NCKAP5: variants seen among roughly 807,000 people sequenced by gnomAD.
NCKAP5 encodes NCK associated protein 5, also known as nck-associated protein 5.
NCKAP5 carries 92 observed loss-of-function variants against 167.0 expected under a neutral mutation model. That is an observed-to-expected ratio of 0.55 (90% CI 0.47 to 0.66). The LOEUF (loss-of-function observed/expected upper bound fraction) is 0.66. NCKAP5 is among the 30% of genes least tolerant of loss of function. NCKAP5 has a pLI of 0.00. For synonymous variants in NCKAP5, 891 were observed against 877.4 expected, an observed-to-expected ratio of 1.02 and a Z score of -0.27; for missense variants, 2,378 against 2,315.0, an observed-to-expected ratio of 1.03 and a Z score of -0.56.
At chr2:133,305,918 T>C (rs1328123162) in intron 3 of NCKAP5, among the ~76,000 whole-genome samples, 2 of 152,222 alleles carry the variant, frequency 1.3e-5, no homozygotes, top group Non-Finnish European at 2.9e-5. Context: ...CAAAAATGGA[T>C]TGCGAAAAGA....
intron 8 of NCKAP5, chr2:132,930,253 C>T (rs569425164): frequency 4.6e-5 from 7 of 152,212 alleles, no homozygotes; most frequent in African/African-American, 1.2e-4. Context: ...GACTAAAGGG[C>T]CCCCAAGAGG....
At chr2:133,328,734 G>GA (rs1184443860) in intron 3 of NCKAP5, among the ~76,000 whole-genome samples, 1 of 152,084 alleles carries the variant, frequency 6.6e-6, no homozygotes, top group East Asian at 1.9e-4. Context: ...TATATATAAT[G>GA]AAAAAAATAT....
At chr2:132,876,453 A>G (rs1430721193) in intron 9 of NCKAP5, among the ~76,000 whole-genome samples, 3 of 152,202 alleles carry the variant, frequency 2.0e-5, no homozygotes, top group African/African-American at 7.2e-5. Flanking sequence ...GACACCCACT[A>G]GCAAGGAAAA....
the NCKAP5 span, among the ~76,000 whole-genome samples, chr2:133,663,190 C>T: frequency 6.6e-6 from 1 of 150,400 alleles, no homozygotes; most frequent in Non-Finnish European, 1.5e-5. Flanking sequence ...GGCGTGAACC[C>T]GGGAAGCGGA....
chr2:133,141,440 T>C (rs1179927464), intron 5 of NCKAP5, among the ~76,000 whole-genome samples: 1 of 151,992 alleles, frequency 6.6e-6, no homozygotes, highest in Non-Finnish European at 1.5e-5. Flanking sequence ...CTATTCAGAC[T>C]AAGAATCCTT....
chr2:133,524,251 C>G (rs1434914208), intron 2 of NCKAP5, among the ~76,000 whole-genome samples: 1 of 152,172 alleles, frequency 6.6e-6, no homozygotes, highest in African/African-American at 2.4e-5. Context: ...GGCTGAGGGA[C>G]ACATGATTGT....
intron 6 of NCKAP5, among the ~76,000 whole-genome samples, chr2:133,076,704 T>G (rs1415907528): frequency 1.3e-5 from 2 of 152,202 alleles, no homozygotes; most frequent in Non-Finnish European, 2.9e-5. Flanking sequence ...GGTTACACTA[T>G]TACTGTGGTT....
chr2:133,347,825 G>T (rs945796910), intron 3 of NCKAP5, among the ~76,000 whole-genome samples: 7 of 152,190 alleles, frequency 4.6e-5, no homozygotes, highest in Non-Finnish European at 4.4e-5. Flanking sequence ...CCCACAGCAT[G>T]CACATGTCAT....
chr2:133,502,638 C>A (rs545905542), intron 3 of NCKAP5, among the ~76,000 whole-genome samples: 1 of 152,122 alleles, frequency 6.6e-6, no homozygotes, highest in Non-Finnish European at 1.5e-5. Flanking sequence ...GACTCAGGAC[C>A]CAGCCCTCCC....
At chr2:133,442,126 C>T (rs190219161) in intron 3 of NCKAP5, among the ~76,000 whole-genome samples, 173 of 152,214 alleles carry the variant, frequency 1.1e-3, no homozygotes, top group African/African-American at 3.8e-3. Context: ...CAGCTACCCC[C>T]GGAACTTAAA....
intron 6 of NCKAP5, among the ~76,000 whole-genome samples, chr2:133,120,991 T>C (rs932989745): frequency 6.6e-6 from 1 of 152,144 alleles, no homozygotes; most frequent in Non-Finnish European, 1.5e-5. Flanking sequence ...TGGCAAAGGT[T>C]ATTGGTGATT....
At chr2:132,920,703 GTATATGTATATATATGTATATATA>G (rs1451959515) in intron 8 of NCKAP5, among the ~76,000 whole-genome samples, 5 of 75,744 alleles carry the variant, frequency 6.6e-5, no homozygotes, top group Admixed American at 1.8e-4. Context: ...ATATATATAC[GTATATGTATATATATGTATATATA>G]TATATGTATA....
At chr2:133,255,436 A>G (rs979505531) in intron 4 of NCKAP5, among the ~76,000 whole-genome samples, 18 of 152,224 alleles carry the variant, frequency 1.2e-4, no homozygotes, top group African/African-American at 4.3e-4. Context: ...GTTTCTACTG[A>G]ATAGCTACAT....
At chr2:133,587,931 T>C in the NCKAP5 span, among the ~76,000 whole-genome samples, 1 of 152,224 alleles carries the variant, frequency 6.6e-6, no homozygotes, top group Non-Finnish European at 1.5e-5. Flanking sequence ...TATAGTGTTT[T>C]TCAAACCAGG....
chr2:132,967,112 A>T (rs1271676667), intron 7 of NCKAP5, among the ~76,000 whole-genome samples: 7 of 150,700 alleles, frequency 4.6e-5, no homozygotes, highest in African/African-American at 1.5e-4. Context: ...TGTGAGTAGA[A>T]AATTTGCAAA....
chr2:133,595,207 C>A, the NCKAP5 span, among the ~76,000 whole-genome samples: 13 of 152,066 alleles, frequency 8.5e-5, no homozygotes, highest in Non-Finnish European at 1.8e-4. Context: ...CGCATTGATA[C>A]CTTGTGGTTG....
rs144355472 is a variant in NCKAP5 at position 132,974,593 on chromosome 2, G to A, written c.430-10724C>T. ...TTTAAATACAGTTCCGATTTTGGAC[G>A]TCATGCTCTTTCCACAGACTCGGTG... is the stretch of plus-strand genomic sequence containing the variant. On this transcript the variant is annotated intron_variant, in intron 7 of 19. Transcript: ENST00000409261. 6.7e-3 allele frequency among the ~76,000 whole-genome samples: 1,015 copies of A among 152,262 alleles called. 9 individuals are homozygous for A. Among genetic ancestry groups the A allele is most frequent in the Middle Eastern group, 0.034 (10 of 294 alleles).
intron 19 of NCKAP5, among the ~76,000 whole-genome samples, chr2:132,698,589 C>T (rs1407200186): frequency 1.3e-5 from 2 of 152,144 alleles, no homozygotes; most frequent in Non-Finnish European, 2.9e-5. Flanking sequence ...AACCTCAACA[C>T]TTTGGGAGGC....
chr2:132,713,694 T>A (rs79342912), intron 19 of NCKAP5, among the ~76,000 whole-genome samples: 274 of 139,148 alleles, frequency 2.0e-3, no homozygotes, highest in African/African-American at 7.1e-3. Flanking sequence ...TATTACATCA[T>A]AAGACAGAAA....
Sources: gnomAD v4.1 joint callset for allele counts (sites outside exome capture counted in the v4.1 genomes callset) on GRCh38, gnomAD v4.1.1 for gene constraint, MANE v1.5 for transcripts, NCBI Gene and HGNC (gene_info 2026-07-23, HGNC 2026-07-21) for gene names.